BBS9: variants seen among roughly 807,000 people sequenced by gnomAD.
BBS9 encodes Bardet-Biedl syndrome 9.
Under a neutral mutation model 117.7 loss-of-function variants are expected in BBS9, and 89 were observed. The ratio of observed to expected loss-of-function variants is 0.76; its 90% confidence interval spans 0.64 to 0.90. The LOEUF (loss-of-function observed/expected upper bound fraction) is 0.90, where lower values mean the gene tolerates loss of function less well. Ranked by LOEUF, BBS9 falls within the 40% of genes least tolerant of loss-of-function variation. BBS9 has a pLI of 0.00. For synonymous variants in BBS9, 379 were observed against 370.9 expected (o/e 1.02, Z -0.25); for missense variants, 982 against 1,042.2 (o/e 0.94, Z 0.80).
intron 5 of BBS9, among the ~76,000 whole-genome samples, chr7:33,249,227 A>G (rs1302723164): frequency 9.0e-5 from 3 of 33,396 alleles, no homozygotes. Flanking sequence ...GGGCATGGGG[A>G]CACACACACA....
chr7:33,617,234 C>T (rs763084755), intron 21 of BBS9, among the ~76,000 whole-genome samples: 10 of 151,810 alleles, frequency 6.6e-5, no homozygotes, highest in Admixed American at 1.3e-4. Context: ...ATCTTGTCAA[C>T]GAGAAATTCA....
At chr7:33,158,347 A>C (rs2128120719) in intron 4 of BBS9, among the ~76,000 whole-genome samples, 1 of 152,310 alleles carries the variant, frequency 6.6e-6, no homozygotes, top group East Asian at 1.9e-4. Context: ...CTAATTGATG[A>C]AACTTTATAA....
intron 9 of BBS9, among the ~76,000 whole-genome samples, chr7:33,280,905 G>GGTT (rs1554395477): frequency 2.1e-5 from 1 of 48,772 alleles, no homozygotes; most frequent in African/African-American, 9.1e-5. Context: ...TTAATTTGTC[G>GGTT]TTTTTGTTTT....
chr7:33,206,834 G>A (rs1787026060), intron 5 of BBS9, among the ~76,000 whole-genome samples: 1 of 151,988 alleles, frequency 6.6e-6, no homozygotes, highest in Non-Finnish European at 1.5e-5. Flanking sequence ...AACTATTACA[G>A]AATCTAGGCT....
At chr7:33,148,416 G>A (rs1182873433) in intron 2 of BBS9, among the ~76,000 whole-genome samples, 1 of 152,172 alleles carries the variant, frequency 6.6e-6, no homozygotes, top group East Asian at 1.9e-4. Flanking sequence ...GGGAAGCAGT[G>A]CAGTGGTGTG....
At chr7:33,226,263 A>G (rs1314649878) in intron 5 of BBS9, among the ~76,000 whole-genome samples, 1 of 152,086 alleles carries the variant, frequency 6.6e-6, no homozygotes, top group East Asian at 1.9e-4. Context: ...GTCTATTAAC[A>G]TTGGAGATGA....
chr7:33,273,076 C>T lies in BBS9; in HGVS notation c.767C>T (p.Ser256Leu), dbSNP rs149790873. The T allele has an allele frequency of 4.6e-5, 74 of 1,613,538 alleles. No individual in the cohort carries two copies. Among genetic ancestry groups the T allele is most frequent in the Middle Eastern group, 1.6e-4 (1 of 6,080 alleles). The change falls in exon 8 of 23, where the codon TCG becomes TTG. Residue 256 changes from serine to leucine, a missense_variant. Physicochemically the swap from Ser to Leu is moderately radical, Grantham distance 145. Transcript: ENST00000242067. ...LDICIVSFNQSASSVFVLGER... is the reference protein window; with the variant it reads ...LDICIVSFNQLASSVFVLGER... ...ATATGTATTGTCTCTTTCAATCAGT[C>T]GGCATCCTCTGTTTTTGTTCTTGGT...
At chr7:33,290,724 C>T (rs74615370) in intron 9 of BBS9, among the ~76,000 whole-genome samples, 11 of 152,286 alleles carry the variant, frequency 7.2e-5, no homozygotes, top group African/African-American at 2.6e-4. Flanking sequence ...ACAGAATTCT[C>T]AGTATTTGTG....
chr7:33,465,742 G>A (rs1233102165), intron 19 of BBS9, among the ~76,000 whole-genome samples: 1 of 152,020 alleles, frequency 6.6e-6, no homozygotes, highest in Admixed American at 6.6e-5. Flanking sequence ...AATACATATG[G>A]ATACATGTTT....
intron 5 of BBS9, among the ~76,000 whole-genome samples, chr7:33,203,767 G>T (rs957325443): frequency 6.7e-6 from 1 of 149,850 alleles, no homozygotes; most frequent in African/African-American, 2.5e-5. Context: ...CTGTCACCCA[G>T]GCTGGAGTGC....
At chr7:33,287,635 C>G (rs1803149146) in intron 9 of BBS9, among the ~76,000 whole-genome samples, 1 of 152,090 alleles carries the variant, frequency 6.6e-6, no homozygotes, top group Non-Finnish European at 1.5e-5. Flanking sequence ...GTTTTCCTGC[C>G]TTTAAATAGA....
chr7:33,164,944 C>T (rs1016675425), intron 4 of BBS9, among the ~76,000 whole-genome samples: 10 of 152,064 alleles, frequency 6.6e-5, no homozygotes, highest in African/African-American at 1.7e-4. Flanking sequence ...TACAATTTGG[C>T]GTGTTTTTGC....
At chr7:33,556,143 T>C (rs1335179463) in intron 21 of BBS9, among the ~76,000 whole-genome samples, 2 of 152,222 alleles carry the variant, frequency 1.3e-5, no homozygotes, top group Non-Finnish European at 2.9e-5. Flanking sequence ...GGTTAATTCA[T>C]CATCTACAAA....
intron 9 of BBS9, among the ~76,000 whole-genome samples, chr7:33,334,395 C>G (rs561420585): frequency 1.3e-5 from 2 of 152,048 alleles, no homozygotes; most frequent in Admixed American, 6.6e-5. Context: ...TCTGAGAAGC[C>G]CCCCCCAGAG....
At chr7:33,311,197 G>A (rs73313138) in intron 9 of BBS9, among the ~76,000 whole-genome samples, 17,172 of 152,132 alleles carry the variant, frequency 0.11, 1,143 homozygotes, top group African/African-American at 0.18. Context: ...CTTCAGATAA[G>A]TGGAAGAGGG....
rs544395485 is a variant in BBS9 at position 33,527,653 on chromosome 7, T to A, written c.2299-6301T>A. Reference sequence around the variant, plus strand: ...CTGACCTGCGCCCACTGTCTGGCACTCCCTAGTGAGATGAACCAGGTACCT... The same window carrying A: ...CTGACCTGCGCCCACTGTCTGGCACACCCTAGTGAGATGAACCAGGTACCT... On this transcript the variant is annotated intron_variant, in intron 20 of 22. Transcript: ENST00000242067. 2.8e-4 allele frequency among the ~76,000 whole-genome samples: 42 copies of A among 152,296 alleles called. No homozygotes were observed. The East Asian group carries it at 4.8e-3, about 18-fold the overall frequency.
chr7:33,599,773 T>C (rs1863504581), intron 21 of BBS9, among the ~76,000 whole-genome samples: 1 of 152,192 alleles, frequency 6.6e-6, no homozygotes, highest in Non-Finnish European at 1.5e-5. Context: ...GTAATAGGGC[T>C]CAATAATAAA....
intron 15 of BBS9, among the ~76,000 whole-genome samples, chr7:33,354,410 A>G (rs750183222): frequency 5.9e-5 from 9 of 152,136 alleles, no homozygotes; most frequent in Non-Finnish European, 7.4e-5. Context: ...GTTAGTCTCC[A>G]TTATTTCTGC....
chr7:33,604,502 A>G (rs901790039), intron 21 of BBS9, among the ~76,000 whole-genome samples: 5 of 151,638 alleles, frequency 3.3e-5, no homozygotes, highest in Non-Finnish European at 7.4e-5. Flanking sequence ...CTTCTTTTAT[A>G]GTTTCTGATG....
Sources: gnomAD v4.1 joint callset for allele counts (sites outside exome capture counted in the v4.1 genomes callset) on GRCh38, gnomAD v4.1.1 for gene constraint, MANE v1.5 for transcripts, NCBI Gene and HGNC (gene_info 2026-07-23, HGNC 2026-07-21) for gene names.